BAD: variants seen among roughly 807,000 people sequenced by gnomAD.
BAD encodes bcl2-associated agonist of cell death.
A neutral mutation model predicts 17.8 loss-of-function variants in BAD; 18 were observed. The observed-to-expected ratio is 1.01, with a 90% CI of 0.70 to 1.50. The LOEUF is 1.50. Among genes scored for constraint, BAD ranks in the 40% most tolerant of loss-of-function variants. BAD has a pLI of 0.00. For synonymous variants in BAD, 112 were observed against 91.5 expected (o/e 1.22, Z -1.28); for missense variants, 294 against 239.3 (o/e 1.23, Z -1.51).
At chr11:64,284,484 G>C in intron 1 of BAD, 108 bp from the exon 2 acceptor site, 2 of 1,586,928 alleles carry the variant, frequency 1.3e-6, no homozygotes, top group Non-Finnish European at 8.5e-7. Flanking sequence ...GCGCCCCCAG[G>C]CCCGCCAGGC....
At chr11:64,284,592 G>A (rs2033728401) in intron 1 of BAD, 39 bp downstream of exon 1, 1 of 1,497,864 alleles carries the variant, frequency 6.7e-7, no homozygotes, top group Non-Finnish European at 8.9e-7. Context: ...GGTGGACCCA[G>A]GCCCCGCCCC....
chr11:64,281,998 C>T (rs1037420848), intron 2 of BAD, among the ~76,000 whole-genome samples: 30 of 152,186 alleles, frequency 2.0e-4, no homozygotes, highest in African/African-American at 6.5e-4. Flanking sequence ...GAATTACAGG[C>T]GTGAGCCACC....
intron 2 of BAD, chr11:64,277,006 G>A (rs1265584164): frequency 1.4e-6 from 1 of 720,242 alleles, no homozygotes. Context: ...GATTTTCAGA[G>A]TCCTCAGATT....
Position 64,284,264 on chromosome 11 carries a change from G to GCCGGAGCCTGAGGGC in BAD, c.90_104dup (p.Pro31_Gly35dup). 6.2e-7 allele frequency: 1 copy of GCCGGAGCCTGAGGGC among 1,611,330 alleles called. No homozygotes were observed. The highest frequency in any genetic ancestry group is 8.5e-7 in the Non-Finnish European group (1 of 1,179,820). On this transcript the variant is annotated inframe_insertion, in exon 2 of 4. Coordinates refer to ENST00000309032, the MANE Select transcript of BAD (RefSeq NM_032989.3). ...GGCCTGGGGCCTGGCGATGATGCTT[G>GCCGGAGCCTGAGGGC]CCGGAGCCTGAGGGCCCGTCCCCTG...
At position 64,273,964 on chromosome 11, in the gene BAD, C is replaced by T. The variant is rs57662848; in HGVS notation, c.188-2161G>A. The stretch of plus-strand genomic sequence containing the variant: ...CTCTTTGGAGGAGGTAAATTACAGG[C>T]CAGGAACTGAAGGCGGGGGATAACC... On this transcript the variant is annotated intron_variant, in intron 2 of 3. Transcript: ENST00000309032. 2.7e-3 allele frequency among the ~76,000 whole-genome samples: 407 copies of T among 151,078 alleles called. 2 individuals are homozygous for T. Among genetic ancestry groups the T allele is most frequent in the East Asian group, 8.9e-3 (46 of 5,142 alleles).
intron 2 of BAD, chr11:64,277,120 C>T (rs1445833911): frequency 1.5e-6 from 1 of 645,462 alleles, no homozygotes; most frequent in Non-Finnish European, 2.9e-6. Flanking sequence ...TTAATTAAAA[C>T]AGTGGTGTTC....
intron 2 of BAD, among the ~76,000 whole-genome samples, chr11:64,282,306 A>G (rs1246072384): frequency 6.6e-6 from 1 of 152,178 alleles, no homozygotes; most frequent in Non-Finnish European, 1.5e-5. Context: ...CAGGAAGTTA[A>G]AGAAAGCTGT....
intron 2 of BAD, chr11:64,276,954 CG>C (rs768266160): frequency 8.0e-6 from 6 of 754,398 alleles, no homozygotes. Context: ...GCGGCTGGGG[CG>C]GACATCCCTG....
rs1344571573 is a variant in BAD at position 64,271,688 on chromosome 11, G to A, written c.303C>T (p.Pro101=). The change falls in exon 3 of 4, where the codon CCC becomes CCT. Residue 101 remains proline (P), a synonymous_variant. Transcript: ENST00000309032. The part of the protein sequence containing the change: ...SPFRGRSRSA[P]PNLWAAQRYG... ...AGCGCTGTGCTGCCCAGAGGTTGGG[G>A]GGCGCCGAGCGCGAGCGGCCCCGAA... 5.4e-6 allele frequency: 8 copies of A among 1,475,940 alleles called. No homozygotes were observed. In the African/African-American group the frequency reaches 1.2e-4, roughly 22 times the overall value. 91.4% of individuals were successfully genotyped at this position (1,475,940 alleles called of 1,614,324 possible). A position where few individuals can be genotyped will look rare whatever the true frequency, so the allele number is the denominator to read the frequency against.
chr11:64,270,932 C>CACACA (rs2032478638), intron 3 of BAD, among the ~76,000 whole-genome samples: 1 of 92,592 alleles, frequency 1.1e-5, no homozygotes. Context: ...CACACACACA[C>CACACA]GCCTGGAGTG....
rs1020455358 is a variant in BAD at position 64,271,520 on chromosome 11, C to T, written c.378+93G>A. 4.4e-5 allele frequency: 56 copies of T among 1,278,830 alleles called. No individual in the cohort carries two copies. In the African/African-American group the frequency reaches 7.8e-4, roughly 18 times the overall value. The allele number at this position is 1,278,830 out of a possible 1,614,324, so 79.2% of individuals were successfully genotyped here. A position where few individuals can be genotyped will look rare whatever the true frequency, so the allele number is the denominator to read the frequency against. ...GCTTTGGGGAGGGGTCGTGGGACTC[C>T]AGATCCGGGCGTGCCTTGGGACAAG... On this transcript the variant is annotated intron_variant, in intron 3 of 3. Transcript: ENST00000309032.
chr11:64,280,406 C>T (rs1237234407), intron 2 of BAD, among the ~76,000 whole-genome samples: 6 of 145,644 alleles, frequency 4.1e-5, no homozygotes, highest in Admixed American at 1.4e-4. Flanking sequence ...GGCTGGAGTG[C>T]AGTGGCACCA....
chr11:64,273,838 C>A (rs1420793487), intron 2 of BAD, among the ~76,000 whole-genome samples: 1 of 140,606 alleles, frequency 7.1e-6, no homozygotes, highest in Non-Finnish European at 1.5e-5. Context: ...GCCAAGATCA[C>A]GCCACTGCAC....
intron 2 of BAD, among the ~76,000 whole-genome samples, chr11:64,280,183 G>A (rs1207895637): frequency 6.6e-6 from 1 of 150,956 alleles, no homozygotes; most frequent in Non-Finnish European, 1.5e-5. Flanking sequence ...AGCTGGGCAT[G>A]GTGGCGGGAG....
intron 3 of BAD, among the ~76,000 whole-genome samples, 185 bp downstream of exon 3, chr11:64,271,428 A>G (rs2032593936): frequency 1.4e-5 from 2 of 142,974 alleles, no homozygotes; most frequent in African/African-American, 2.5e-5. Context: ...AGAGCTGGGG[A>G]GTGGGGGCGG....
At chr11:64,273,431 T>C (rs147286974) in intron 2 of BAD, among the ~76,000 whole-genome samples, 2 of 152,248 alleles carry the variant, frequency 1.3e-5, no homozygotes, top group East Asian at 1.9e-4. Context: ...GCAAGTGCAC[T>C]ATGGGTTATT....
chr11:64,281,439 C>A (rs182456407), intron 2 of BAD, among the ~76,000 whole-genome samples: 1 of 152,370 alleles, frequency 6.6e-6, no homozygotes, highest in African/African-American at 2.4e-5. Flanking sequence ...GACCATGCTG[C>A]CTCTGCTCAA....
Position 64,271,701 on chromosome 11 carries a change from G to T in BAD, c.290C>A (p.Ser97Ter), listed in dbSNP as rs1347135529. ...GEEPSPFRGR[S>*]RSAPPNLWAA... ...CCAGAGGTTGGGGGGCGCCGAGCGC[G>T]AGCGGCCCCGAAAGGGGCTGGGCTC... Residue 97 changes from serine to a stop codon, truncating the protein, a stop_gained, in exon 3 of 4, where the codon TCG becomes TAG. Coordinates refer to ENST00000309032, the MANE Select transcript of BAD (RefSeq NM_032989.3). LOFTEE classifies it high-confidence loss of function. 3 of 1,468,532 alleles carry T rather than the reference G, an allele frequency of 2.0e-6. No homozygotes were observed. Among genetic ancestry groups the T allele is most frequent in the Non-Finnish European group, 2.7e-6 (3 of 1,111,276 alleles). The allele number at this position is 1,468,532 out of a possible 1,614,324, so 91.0% of individuals were successfully genotyped here. A position where few individuals can be genotyped will look rare whatever the true frequency, so the allele number is the denominator to read the frequency against.
At chr11:64,279,355 C>A (rs1480062929) in intron 2 of BAD, among the ~76,000 whole-genome samples, 2 of 152,196 alleles carry the variant, frequency 1.3e-5, no homozygotes, top group Non-Finnish European at 2.9e-5. Flanking sequence ...CCTTCCTTTG[C>A]ACACACCTGA....
Sources: gnomAD v4.1 joint callset for allele counts (sites outside exome capture counted in the v4.1 genomes callset) on GRCh38, gnomAD v4.1.1 for gene constraint, MANE v1.5 for transcripts, NCBI Gene and HGNC (gene_info 2026-07-23, HGNC 2026-07-21) for gene names.